USH2A: variants seen among roughly 807,000 people sequenced by gnomAD.
USH2A encodes the protein usherin, also known as Usher syndrome 2A (autosomal recessive, mild).
A neutral mutation model predicts 538.9 loss-of-function variants in USH2A; 443 were observed. The observed-to-expected ratio is 0.82, with a 90% confidence interval of 0.76 to 0.89. USH2A has a LOEUF of 0.89. USH2A is among the 40% of genes least tolerant of loss of function. The pLI is 0.00. For missense variants in USH2A, 6,633 were observed against 6,324.8 expected (o/e 1.05, Z -1.65); for synonymous variants, 2,413 against 2,273.5 (o/e 1.06, Z -1.75).
chr1:216,359,584 G>A (rs1300000053), intron 4 of USH2A, among the ~76,000 whole-genome samples: 1 of 151,654 alleles, frequency 6.6e-6, no homozygotes, highest in South Asian at 2.1e-4. Flanking sequence ...TAATAACTCA[G>A]GTCATACAGA....
At chr1:215,875,433 A>C (rs1021941873) in intron 43 of USH2A, among the ~76,000 whole-genome samples, 1 of 152,142 alleles carries the variant, frequency 6.6e-6, no homozygotes, top group African/African-American at 2.4e-5. Flanking sequence ...TGTTATCTGC[A>C]CACTTCCCTT....
chr1:215,918,041 G>A lies in USH2A; in HGVS notation c.7300+16575C>T, dbSNP rs186145187. Among the ~76,000 whole-genome samples the A allele has an allele frequency of 3.3e-5, 5 of 152,024 alleles. No individual in the cohort carries two copies. In the East Asian group the frequency reaches 9.7e-4, roughly 30 times the overall value. ...TAGAGTTGGACTCTTCCTCTATGGT[G>A]CCATTGAATCCACTATTCTAAGATA... On this transcript the variant is annotated intron_variant, in intron 38 of 71. Coordinates refer to ENST00000307340, the MANE Select transcript of USH2A (RefSeq NM_206933.4).
At chr1:215,911,626 T>A (rs574470197) in intron 38 of USH2A, among the ~76,000 whole-genome samples, 1 of 152,238 alleles carries the variant, frequency 6.6e-6, no homozygotes, top group Non-Finnish European at 1.5e-5. Context: ...CAACTTAGGT[T>A]GCTTCCAAAT....
intron 35 of USH2A, among the ~76,000 whole-genome samples, chr1:215,988,199 C>G (rs900519012): frequency 6.6e-6 from 1 of 152,068 alleles, no homozygotes; most frequent in African/African-American, 2.4e-5. Flanking sequence ...CCCCTTCCAC[C>G]CAGACCTTGG....
At chr1:216,066,707 A>G (rs1238559462) in intron 30 of USH2A, among the ~76,000 whole-genome samples, 2 of 152,156 alleles carry the variant, frequency 1.3e-5, no homozygotes, top group East Asian at 3.9e-4. Flanking sequence ...TTTAAAGCAA[A>G]CAGAGGTTTA....
At chr1:215,912,406 C>T (rs1665808285) in intron 38 of USH2A, among the ~76,000 whole-genome samples, 2 of 146,964 alleles carry the variant, frequency 1.4e-5, no homozygotes, top group South Asian at 2.2e-4. Flanking sequence ...TAATTTTATT[C>T]TTTAAAAAAA....
chr1:215,681,482 C>A (rs1020082365), intron 61 of USH2A, among the ~76,000 whole-genome samples: 1 of 152,072 alleles, frequency 6.6e-6, no homozygotes, highest in African/African-American at 2.4e-5. Flanking sequence ...GAATGTGATA[C>A]ATGGTCTTCA....
At chr1:216,195,709 T>C (rs1053666406) in intron 19 of USH2A, 5 of 162,406 alleles carry the variant, frequency 3.1e-5, no homozygotes, top group African/African-American at 4.8e-5. Flanking sequence ...AGGTATAAAG[T>C]GTAAAGATCT....
At chr1:215,651,062 C>A (rs1657064968) in intron 64 of USH2A, among the ~76,000 whole-genome samples, 1 of 152,072 alleles carries the variant, frequency 6.6e-6, no homozygotes, top group Non-Finnish European at 1.5e-5. Flanking sequence ...CAGAATGCAG[C>A]ACGTTGATTT....
intron 21 of USH2A, among the ~76,000 whole-genome samples, chr1:216,106,263 C>G (rs112034074): frequency 1.4e-5 from 2 of 146,706 alleles, no homozygotes; most frequent in Non-Finnish European, 3.0e-5. Context: ...GCCTGTTTTA[C>G]GGCCCAGCAT....
At chr1:216,392,628 T>C (rs939328466) in intron 3 of USH2A, among the ~76,000 whole-genome samples, 3 of 151,738 alleles carry the variant, frequency 2.0e-5, no homozygotes, top group Admixed American at 6.6e-5. Flanking sequence ...ACTATGAAGG[T>C]ACATGAAAAT....
chr1:215,952,191 T>A (rs1440078724), intron 37 of USH2A, among the ~76,000 whole-genome samples: 1 of 152,202 alleles, frequency 6.6e-6, no homozygotes. Context: ...TATCAGAGAC[T>A]AGGATTGCAA....
At chr1:215,867,334 C>T (rs900870838) in intron 43 of USH2A, among the ~76,000 whole-genome samples, 164 bp from the exon 44 acceptor site, 2 of 152,114 alleles carry the variant, frequency 1.3e-5, no homozygotes, top group African/African-American at 4.8e-5. Flanking sequence ...ATTTTCCCTC[C>T]TTACACAACA....
intron 71 of USH2A, among the ~76,000 whole-genome samples, chr1:215,627,581 A>G (rs921097664): frequency 3.4e-5 from 5 of 147,258 alleles, no homozygotes; most frequent in Admixed American, 6.9e-5. Context: ...GCTGGAGTGC[A>G]GTGGGGCCAT....
chr1:216,089,352 A>G (rs2032235991), intron 22 of USH2A, among the ~76,000 whole-genome samples: 1 of 152,098 alleles, frequency 6.6e-6, no homozygotes, highest in South Asian at 2.1e-4. Context: ...ACCACAGTGT[A>G]CAGATCTGTA....
intron 3 of USH2A, among the ~76,000 whole-genome samples, chr1:216,369,128 TCTGAAATAGAAATTGCC>T (rs1377398934): frequency 6.6e-6 from 1 of 152,188 alleles, no homozygotes; most frequent in Non-Finnish European, 1.5e-5. Context: ...TCTTGGACTT[TCTGAAATAGAAATTGCC>T]CTGAAATAGA....
chr1:215,954,498 G>T (rs1667012877), intron 37 of USH2A, among the ~76,000 whole-genome samples: 1 of 147,590 alleles, frequency 6.8e-6, no homozygotes, highest in African/African-American at 2.5e-5. Flanking sequence ...CTCACTCATA[G>T]GTGGGAATTG....
intron 37 of USH2A, among the ~76,000 whole-genome samples, chr1:215,944,798 A>T (rs368013322): frequency 1.3e-5 from 2 of 152,286 alleles, no homozygotes; most frequent in South Asian, 4.1e-4. Context: ...ATTCAAAGTT[A>T]TATGTCTTCC....
intron 39 of USH2A, 34 bp from the exon 40 acceptor site, chr1:215,900,251 T>C (rs771263066): frequency 6.2e-7 from 1 of 1,611,542 alleles, no homozygotes; most frequent in South Asian, 1.1e-5. Context: ...TAGGAAGTTT[T>C]CGACATTCAA....
Sources: allele counts gnomAD v4.1 joint callset (sites outside exome capture counted in the v4.1 genomes callset), GRCh38; gene constraint gnomAD v4.1.1; transcripts MANE v1.5; gene names NCBI Gene and HGNC (gene_info 2026-07-23, HGNC 2026-07-21).